The following MAST4 variants were observed in gnomAD, a reference collection of about 807,000 sequenced individuals.
The protein encoded by MAST4 is microtubule associated serine/threonine kinase family member 4, also known as microtubule-associated serine/threonine-protein kinase 4.
Under a neutral mutation model 162.7 loss-of-function variants are expected in MAST4, and 89 were observed. The observed-to-expected ratio is 0.55, with a 90% CI of 0.46 to 0.65. The LOEUF (loss-of-function observed/expected upper bound fraction) is 0.65. Among genes scored for constraint, MAST4 ranks in the 30% least tolerant of loss-of-function variants. The pLI, the probability that MAST4 is intolerant of heterozygous loss-of-function variation, is 0.00. For synonymous variants in MAST4, 1,479 were observed against 1,361.1 expected, an observed-to-expected ratio of 1.09 and a Z score of -1.91; for missense variants, 3,153 against 3,374.0, an observed-to-expected ratio of 0.93 and a Z score of 1.62.
chr5:66,879,941 A>G (rs530603786), intron 3 of MAST4, among the ~76,000 whole-genome samples: 2 of 152,388 alleles, frequency 1.3e-5, no homozygotes, highest in Non-Finnish European at 2.9e-5. Context: ...GAGTAAAGCC[A>G]TCAGATAGAC....
At chr5:66,618,027 G>T (rs1356166693) in intron 1 of MAST4, among the ~76,000 whole-genome samples, 1 of 144,188 alleles carries the variant, frequency 6.9e-6, no homozygotes, top group East Asian at 2.0e-4. Context: ...CTCATTCTGG[G>T]AGGAATGGGG....
chr5:66,678,814 C>T (rs954363701), intron 1 of MAST4, among the ~76,000 whole-genome samples: 17 of 147,332 alleles, frequency 1.2e-4, no homozygotes, highest in African/African-American at 3.3e-4. Context: ...TTTTTTGAGA[C>T]GGAGGCTCAC....
chr5:66,981,973 A>G (rs926227001), intron 4 of MAST4, among the ~76,000 whole-genome samples: 4 of 152,110 alleles, frequency 2.6e-5, no homozygotes, highest in Admixed American at 6.5e-5. Flanking sequence ...ATGATTTTTT[A>G]TTGTGTTTGA....
At chr5:66,744,348 T>C (rs1225937455) in intron 1 of MAST4, among the ~76,000 whole-genome samples, 2 of 152,238 alleles carry the variant, frequency 1.3e-5, no homozygotes, top group Non-Finnish European at 2.9e-5. Flanking sequence ...CTATCCACTG[T>C]AGAGTTCCTC....
intron 19 of MAST4, among the ~76,000 whole-genome samples, chr5:67,138,848 G>A (rs1317156586): frequency 1.3e-5 from 2 of 152,140 alleles, no homozygotes; most frequent in African/African-American, 4.8e-5. Flanking sequence ...GATTTTAAAT[G>A]TTCAGACTAA....
At chr5:67,058,736 T>C (rs781081281) in intron 5 of MAST4, among the ~76,000 whole-genome samples, 38 of 152,338 alleles carry the variant, frequency 2.5e-4, no homozygotes, top group Non-Finnish European at 5.3e-4. Flanking sequence ...TGTATATTCA[T>C]GCATAGTCAT....
intron 5 of MAST4, among the ~76,000 whole-genome samples, chr5:67,056,150 T>C (rs1253272066): frequency 6.6e-6 from 1 of 151,936 alleles, no homozygotes; most frequent in Non-Finnish European, 1.5e-5. Flanking sequence ...TTCATGATAG[T>C]AGTTACCTCT....
chr5:67,103,431 G>A (rs1246218870), intron 9 of MAST4, among the ~76,000 whole-genome samples: 1 of 152,176 alleles, frequency 6.6e-6, no homozygotes, highest in Non-Finnish European at 1.5e-5. Context: ...AGCTGTTTTA[G>A]CTATTTATCA....
At chr5:67,129,197 G>A (rs1293087408) in intron 14 of MAST4, among the ~76,000 whole-genome samples, 1 of 152,180 alleles carries the variant, frequency 6.6e-6, no homozygotes, top group Non-Finnish European at 1.5e-5. Flanking sequence ...CCGCTCTTAT[G>A]CTGGGACATG....
chr5:66,788,607 C>CCAAACAAAAAAA, intron 2 of MAST4, 63 bp from the exon 3 acceptor site: 6 of 1,373,708 alleles, frequency 4.4e-6, no homozygotes, highest in East Asian at 2.7e-5. Context: ...CCCCCACCCC[C>CCAAACAAAAAAA]ATTGCAATAA....
chr5:66,839,886 G>A (rs887401647), intron 3 of MAST4, among the ~76,000 whole-genome samples: 10 of 151,596 alleles, frequency 6.6e-5, no homozygotes, highest in African/African-American at 2.4e-4. Flanking sequence ...ATTTTTATCA[G>A]TTTTCTTGCA....
At chr5:66,765,155 C>G (rs1211127985) in intron 2 of MAST4, among the ~76,000 whole-genome samples, 1 of 152,150 alleles carries the variant, frequency 6.6e-6, no homozygotes, top group Non-Finnish European at 1.5e-5. Flanking sequence ...GCTACACCAT[C>G]TAAGTTTGCA....
chr5:67,114,191 A>T lies in MAST4; in HGVS notation c.1563A>T (p.Gln521His). The change falls in exon 12 of 29, where the codon CAA (glutamine) becomes CAT (histidine). Residue 521 changes from glutamine (Q) to histidine (H), a missense_variant. This residue lies in a region of MAST4 where 360 missense variants were observed against 450.0 expected (regional missense o/e 0.80). Coordinates refer to ENST00000403625, the MANE Select transcript of MAST4 (RefSeq NM_001164664.2). ...KTDIPRYIIS[Q>H]LGLNKDPLEE... is the part of the protein sequence containing the mutation. ...ACATTCCCAGGTACATCATTAGCCA[A>T]CTGGGACTCAATAAGGATCCCTTGG... 1 of 1,611,874 alleles carries T rather than the reference A, an allele frequency of 6.2e-7. No individual in the cohort carries two copies. Among genetic ancestry groups the T allele is most frequent in the Non-Finnish European group, 8.5e-7 (1 of 1,179,160 alleles).
At chr5:66,810,389 T>C (rs528701761) in intron 3 of MAST4, among the ~76,000 whole-genome samples, 2 of 152,310 alleles carry the variant, frequency 1.3e-5, no homozygotes, top group African/African-American at 4.8e-5. Context: ...TTTATGTCAC[T>C]TCCAAGGTCC....
chr5:66,636,179 G>A lies in MAST4; in HGVS notation c.363+39161G>A, dbSNP rs956270604. Reference sequence around the variant, plus strand: ...CACCGTGTTAGCCAGGATGGTCTTGGTCTCTTGACCTTGTGATCTGCCTGC... The same window carrying A: ...CACCGTGTTAGCCAGGATGGTCTTGATCTCTTGACCTTGTGATCTGCCTGC... On this transcript the variant is annotated intron_variant, in intron 1 of 28. Transcript: ENST00000403625. 2.6e-5 allele frequency among the ~76,000 whole-genome samples: 4 copies of A among 151,898 alleles called. No individual in the cohort carries two copies. In the South Asian group the frequency reaches 8.3e-4, roughly 32 times the overall value.
At chr5:66,795,920 G>A (rs946920259) in intron 3 of MAST4, among the ~76,000 whole-genome samples, 3 of 152,160 alleles carry the variant, frequency 2.0e-5, no homozygotes, top group Admixed American at 2.0e-4. Flanking sequence ...AGAGTCTCTG[G>A]AGTGCTTGTA....
chr5:66,810,875 T>G (rs1232568096), intron 3 of MAST4, among the ~76,000 whole-genome samples: 1 of 152,202 alleles, frequency 6.6e-6, no homozygotes, highest in African/African-American at 2.4e-5. Flanking sequence ...CAAAGTGAGA[T>G]GGGAAAGTGT....
intron 3 of MAST4, among the ~76,000 whole-genome samples, chr5:66,864,339 C>T (rs1760333437): frequency 6.6e-6 from 1 of 152,044 alleles, no homozygotes; most frequent in Non-Finnish European, 1.5e-5. Flanking sequence ...CCCAGAGATC[C>T]TGTGTTGAGA....
At chr5:66,888,820 A>G (rs1762200466) in intron 3 of MAST4, among the ~76,000 whole-genome samples, 1 of 152,232 alleles carries the variant, frequency 6.6e-6, no homozygotes, top group Non-Finnish European at 1.5e-5. Context: ...CTGAAAAGTG[A>G]AAGTAGAAAT....
Sources: gnomAD v4.1 joint callset for allele counts (sites outside exome capture counted in the v4.1 genomes callset) on GRCh38, gnomAD v4.1.1 for gene constraint, gnomAD v4.1.1 regional missense constraint, MANE v1.5 for transcripts, NCBI Gene and HGNC (gene_info 2026-07-23, HGNC 2026-07-21) for gene names.